The following LEPROTL1 variants were observed in gnomAD, a reference collection of about 807,000 sequenced individuals.
LEPROTL1 encodes the protein leptin receptor overlapping transcript like 1, also known as leptin receptor overlapping transcript-like 1.
In LEPROTL1, 6 loss-of-function variants were observed where a neutral mutation model predicts 15.4. That is an observed-to-expected ratio of 0.39 (90% CI 0.21 to 0.77). LEPROTL1 has a LOEUF of 0.77. Ranked by LOEUF, LEPROTL1 falls within the 30% of genes least tolerant of loss-of-function variation. The pLI is 0.41. For missense variants in LEPROTL1, 128 were observed against 158.1 expected (o/e 0.81, Z 1.02); for synonymous variants, 56 against 52.6 (o/e 1.06, Z -0.28).
chr8:30,125,225 A>G (rs1802887425), intron 3 of LEPROTL1, among the ~76,000 whole-genome samples: 1 of 152,194 alleles, frequency 6.6e-6, no homozygotes, highest in African/African-American at 2.4e-5. Flanking sequence ...TGTTGTTATG[A>G]TTGTCCCTGG....
intron 1 of LEPROTL1, 76 bp downstream of exon 1, chr8:30,095,604 G>C: frequency 8.4e-7 from 1 of 1,194,460 alleles, no homozygotes. Flanking sequence ...CGCGGCCCCC[G>C]CACTTCCCCT....
chr8:30,123,001 T>G (rs1353146659), intron 3 of LEPROTL1, among the ~76,000 whole-genome samples: 1 of 152,220 alleles, frequency 6.6e-6, no homozygotes, highest in Non-Finnish European at 1.5e-5. Context: ...CTCCACATGG[T>G]GTCAGCTGGG....
intron 3 of LEPROTL1, among the ~76,000 whole-genome samples, chr8:30,123,131 T>C (rs1802854797): frequency 6.6e-6 from 1 of 152,170 alleles, no homozygotes; most frequent in South Asian, 2.1e-4. Context: ...CATATAAAAC[T>C]CTGCCTCTCC....
chr8:30,102,508 C>T (rs1336380136), intron 2 of LEPROTL1, among the ~76,000 whole-genome samples: 1 of 151,826 alleles, frequency 6.6e-6, no homozygotes, highest in Non-Finnish European at 1.5e-5. Flanking sequence ...AAAAAATAGC[C>T]AGGCGTGGTG....
intron 4 of LEPROTL1, among the ~76,000 whole-genome samples, chr8:30,133,402 G>A (rs1263392764): frequency 2.0e-5 from 3 of 152,290 alleles, no homozygotes; most frequent in East Asian, 3.9e-4. Context: ...GTATGAATAT[G>A]TGTGTATATT....
chr8:30,129,581 C>G (rs546133787), intron 3 of LEPROTL1, among the ~76,000 whole-genome samples: 2 of 151,856 alleles, frequency 1.3e-5, no homozygotes, highest in East Asian at 3.9e-4. Flanking sequence ...GGCATGTGCC[C>G]GTAGTCCCAG....
chr8:30,121,205 G>T (rs1354386822), intron 3 of LEPROTL1, among the ~76,000 whole-genome samples: 1 of 151,872 alleles, frequency 6.6e-6, no homozygotes, highest in Non-Finnish European at 1.5e-5. Flanking sequence ...ATTGTGTTTT[G>T]TGTGTTTTGT....
In LEPROTL1 at chr8:30,134,439, A is replaced by C. The variant is rs568131909; in HGVS notation, c.394+1950A>C. On this transcript the variant is annotated intron_variant, in intron 4 of 4. Transcript: ENST00000442880. Reference sequence around the variant, plus strand: ...TGCATCTCAAAAAAACAAAACAAAAAAAAAAACAAAAAAAAACTTTGTCTT... The same window carrying C: ...TGCATCTCAAAAAAACAAAACAAAACAAAAAACAAAAAAAAACTTTGTCTT... Among the ~76,000 whole-genome samples, 192 of 152,192 alleles carry C rather than the reference A, an allele frequency of 1.3e-3. 1 individual carries two copies. The highest frequency in any genetic ancestry group is 5.8e-3 in the East Asian group (30 of 5,192).
intron 3 of LEPROTL1, among the ~76,000 whole-genome samples, chr8:30,122,199 G>C (rs1384593010): frequency 6.6e-6 from 1 of 151,774 alleles, no homozygotes; most frequent in African/African-American, 2.4e-5. Flanking sequence ...TAGGTGTCAA[G>C]GTAATTCAAT....
chr8:30,107,819 A>C lies in LEPROTL1; in HGVS notation c.*1957A>C. 1 of 985,362 alleles carries C rather than the reference A, an allele frequency of 1.0e-6. No individual in the cohort carries two copies. Among genetic ancestry groups the C allele is most frequent in the Non-Finnish European group, 1.2e-6 (1 of 829,934 alleles). 61.0% of individuals were successfully genotyped at this position (985,362 alleles called of 1,614,324 possible). ...TCTGTTCTGGATGTCAGTGCAGTGC[A>C]CTGCTACTGTTTTATCCACTTGGCC... On this transcript the variant is annotated 3_prime_UTR_variant, in exon 4 of 4. Coordinates refer to ENST00000321250, the MANE Select transcript of LEPROTL1 (RefSeq NM_015344.3).
chr8:30,136,361 C>T (rs1294524321), intron 4 of LEPROTL1, among the ~76,000 whole-genome samples: 4 of 152,208 alleles, frequency 2.6e-5, no homozygotes, highest in Admixed American at 2.0e-4. Context: ...CACTGCCACC[C>T]GCAAGCCACG....
chr8:30,095,814 T>TGGC (rs1283657147), intron 1 of LEPROTL1: 1 of 701,800 alleles, frequency 1.4e-6, no homozygotes, highest in East Asian at 2.7e-5. Flanking sequence ...ATGAAGTGGT[T>TGGC]GGCGGTCAGT....
At chr8:30,097,458 G>A (rs540902569) in intron 1 of LEPROTL1, among the ~76,000 whole-genome samples, 1 of 151,872 alleles carries the variant, frequency 6.6e-6, no homozygotes, top group East Asian at 1.9e-4. Context: ...GGATCATGAG[G>A]TCAGGAGTTC....
In LEPROTL1 at chr8:30,095,437, G is replaced by A. The variant is rs567730515; in HGVS notation, c.-76G>A. 7.8e-6 allele frequency: 11 copies of A among 1,418,094 alleles called. No individual in the cohort carries two copies. Among genetic ancestry groups the A allele is most frequent in the African/African-American group, 3.0e-5 (2 of 66,864 alleles). The allele number at this position is 1,418,094 out of a possible 1,614,324, so 87.8% of individuals were successfully genotyped here. ...TTCCGGGTGTTGTCTGGCCGCCGTA[G>A]CGCGTCTTGGGTCTCCCGGCTGCCG... On this transcript the variant is annotated 5_prime_UTR_variant, in exon 1 of 4. Coordinates refer to ENST00000321250, the MANE Select transcript of LEPROTL1 (RefSeq NM_015344.3).
Position 30,107,695 on chromosome 8 carries a change from A to C in LEPROTL1, c.*1833A>C, listed in dbSNP as rs1802590978. On this transcript the variant is annotated 3_prime_UTR_variant, in exon 4 of 4. Transcript: ENST00000321250. Reference sequence around the variant, plus strand: ...TTTCAAGAGGAAGGTGCAGGTACACATGAGTTAGAGAGCTGGTGAGACAGT... The same window carrying C: ...TTTCAAGAGGAAGGTGCAGGTACACCTGAGTTAGAGAGCTGGTGAGACAGT... The C allele has an allele frequency of 1.0e-6, 1 of 985,422 alleles. No homozygotes were observed. Among genetic ancestry groups the C allele is most frequent in the Non-Finnish European group, 1.2e-6 (1 of 829,946 alleles). 61.0% of individuals were successfully genotyped at this position (985,422 alleles called of 1,614,324 possible). A position where few individuals can be genotyped will look rare whatever the true frequency, so the allele number is the denominator to read the frequency against.
At position 30,105,946 on chromosome 8, in the gene LEPROTL1, T is replaced by C. The variant is rs1450277335; in HGVS notation, c.*84T>C. 6 of 1,385,886 alleles carry C rather than the reference T, an allele frequency of 4.3e-6. No homozygotes were observed. Among genetic ancestry groups the C allele is most frequent in the East Asian group, 2.8e-5 (1 of 35,646 alleles). 85.8% of individuals were successfully genotyped at this position (1,385,886 alleles called of 1,614,324 possible). Reference sequence around the variant, plus strand: ...ACACAGGAGATGGGGCAGTTAATGCTGAATGGTATAGCAAGCCTCTTGGGG... The same window carrying C: ...ACACAGGAGATGGGGCAGTTAATGCCGAATGGTATAGCAAGCCTCTTGGGG... On this transcript the variant is annotated 3_prime_UTR_variant, in exon 4 of 4. Transcript: ENST00000321250.
chr8:30,132,031 A>C, intron 3 of LEPROTL1: 2 of 1,551,918 alleles, frequency 1.3e-6, no homozygotes, highest in Non-Finnish European at 1.7e-6. Context: ...ATTACAGAGC[A>C]ACCAGAGAGA....
At chr8:30,097,671 C>CAA (rs72163652) in intron 1 of LEPROTL1, among the ~76,000 whole-genome samples, 1,137 of 29,194 alleles carry the variant, frequency 0.039, 57 homozygotes, top group Admixed American at 0.056. Context: ...GACTCTGTCT[C>CAA]AAAAAAAAAA....
chr8:30,120,136 C>T (rs898264409), intron 3 of LEPROTL1, among the ~76,000 whole-genome samples: 1 of 151,948 alleles, frequency 6.6e-6, no homozygotes, highest in Non-Finnish European at 1.5e-5. Flanking sequence ...CATTAAACTA[C>T]CTCAAATAAA....
Sources: gnomAD v4.1 joint callset for allele counts (sites outside exome capture counted in the v4.1 genomes callset) on GRCh38, gnomAD v4.1.1 for gene constraint, MANE v1.5 for transcripts, NCBI Gene and HGNC (gene_info 2026-07-23, HGNC 2026-07-21) for gene names.